SND1: variants seen among roughly 807,000 people sequenced by gnomAD.
The protein encoded by SND1 is staphylococcal nuclease and tudor domain containing 1.
A neutral mutation model predicts 121.7 loss-of-function variants in SND1; 38 were observed. The observed-to-expected ratio is 0.31, with a 90% CI of 0.24 to 0.41. SND1 has a LOEUF of 0.41. Ranked by LOEUF, SND1 falls within the 10% of genes least tolerant of loss-of-function variation. SND1 has a pLI of 1.00. For synonymous variants in SND1, 401 were observed against 447.4 expected (o/e 0.90, Z 1.31); for missense variants, 868 against 1,184.6 (o/e 0.73, Z 3.92).
intron 1 of SND1, among the ~76,000 whole-genome samples, chr7:127,661,691 T>A (rs1230152348): frequency 2.6e-5 from 4 of 152,208 alleles, no homozygotes; most frequent in African/African-American, 9.6e-5. Flanking sequence ...GTCAACAGTT[T>A]TCCAGTTTAT....
chr7:127,909,259 C>T (rs1449466577), intron 14 of SND1, among the ~76,000 whole-genome samples: 1 of 152,090 alleles, frequency 6.6e-6, no homozygotes, highest in African/African-American at 2.4e-5. Context: ...GTCCTGACAG[C>T]TCCTCTGTTA....
intron 11 of SND1, among the ~76,000 whole-genome samples, chr7:127,834,093 T>C (rs1370099159): frequency 6.6e-6 from 1 of 152,212 alleles, no homozygotes; most frequent in African/African-American, 2.4e-5. Flanking sequence ...TATCTACTTA[T>C]CCAACAATGG....
chr7:127,946,254 T>C (rs889628807), intron 15 of SND1, among the ~76,000 whole-genome samples: 1 of 152,320 alleles, frequency 6.6e-6, no homozygotes, highest in African/African-American at 2.4e-5. Context: ...CATGTGATCA[T>C]AGAGCAAGAG....
chr7:127,828,333 T>G (rs940204577), intron 11 of SND1, among the ~76,000 whole-genome samples: 9 of 152,086 alleles, frequency 5.9e-5, no homozygotes, highest in African/African-American at 1.9e-4. Flanking sequence ...CTTCTGGTTG[T>G]TCTGATATAT....
chr7:127,744,850 A>C (rs1297089814), intron 10 of SND1, among the ~76,000 whole-genome samples: 1 of 152,190 alleles, frequency 6.6e-6, no homozygotes, highest in Non-Finnish European at 1.5e-5. Flanking sequence ...AACTCCCCTG[A>C]ATGTTTAGAT....
intron 15 of SND1, among the ~76,000 whole-genome samples, chr7:127,977,613 A>G (rs983481365): frequency 6.6e-6 from 1 of 152,206 alleles, no homozygotes; most frequent in African/African-American, 2.4e-5. Context: ...ATAGTATGGT[A>G]TAAAGAATAG....
At chr7:127,766,571 C>T (rs141501170) in intron 10 of SND1, among the ~76,000 whole-genome samples, 41,739 of 151,546 alleles carry the variant, frequency 0.28, 6,956 homozygotes, top group East Asian at 0.5. Flanking sequence ...GTCAGGAGAT[C>T]AAGACCATCC....
At chr7:127,702,669 C>A in intron 6 of SND1, 143 bp downstream of exon 6, 1 of 667,594 alleles carries the variant, frequency 1.5e-6, no homozygotes, top group South Asian at 1.7e-5. Flanking sequence ...TTAGTTTAAA[C>A]TTTGTAGTAC....
In SND1 at chr7:128,074,702, A is replaced by G. The variant is rs1446599613; in HGVS notation, c.1968+12A>G. On this transcript the variant is annotated intron_variant, in intron 17 of 23. Transcript: ENST00000354725. ...AGAAGAAAGAGAAGGTACATGTGGCAGCCCAGCTGTGCTCTCCCTGCCCTC... is the reference window on the plus strand; with the variant it reads ...AGAAGAAAGAGAAGGTACATGTGGCGGCCCAGCTGTGCTCTCCCTGCCCTC... 1.3e-6 allele frequency: 2 copies of G among 1,599,976 alleles called. No individual in the cohort carries two copies. The highest frequency in any genetic ancestry group is 1.7e-6 in the Non-Finnish European group (2 of 1,173,106).
At chr7:127,776,468 A>G (rs1038692577) in intron 10 of SND1, among the ~76,000 whole-genome samples, 1 of 152,224 alleles carries the variant, frequency 6.6e-6, no homozygotes, top group Non-Finnish European at 1.5e-5. Context: ...ATAAAAATGA[A>G]AAAGTTCTGC....
At chr7:127,743,738 C>T (rs1796926634) in intron 10 of SND1, among the ~76,000 whole-genome samples, 1 of 152,062 alleles carries the variant, frequency 6.6e-6, no homozygotes, top group Admixed American at 6.6e-5. Context: ...TGTATGTATG[C>T]GTGTGTTATA....
chr7:127,778,771 A>G (rs758312989), intron 10 of SND1, among the ~76,000 whole-genome samples: 1 of 152,142 alleles, frequency 6.6e-6, no homozygotes, highest in Non-Finnish European at 1.5e-5. Flanking sequence ...TTTAGTGGTT[A>G]TTAGTGTCAC....
intron 15 of SND1, among the ~76,000 whole-genome samples, chr7:127,933,455 C>G (rs1390171390): frequency 6.6e-6 from 1 of 152,148 alleles, no homozygotes; most frequent in African/African-American, 2.4e-5. Flanking sequence ...AGAAACCTGG[C>G]AAGAATACAG....
At chr7:128,054,080 G>A (rs1793095128) in intron 16 of SND1, among the ~76,000 whole-genome samples, 1 of 152,250 alleles carries the variant, frequency 6.6e-6, no homozygotes, top group Non-Finnish European at 1.5e-5. Context: ...TAAGTCATCG[G>A]CAGTACCCTG....
At chr7:127,947,923 C>G (rs1584687767) in intron 15 of SND1, among the ~76,000 whole-genome samples, 1 of 152,118 alleles carries the variant, frequency 6.6e-6, no homozygotes, top group East Asian at 1.9e-4. Context: ...ATAATGACCC[C>G]ACCATTCTTA....
intron 15 of SND1, among the ~76,000 whole-genome samples, chr7:127,973,799 A>C (rs538518683): frequency 6.6e-6 from 1 of 152,350 alleles, no homozygotes; most frequent in African/African-American, 2.4e-5. Flanking sequence ...AAAATTTAGC[A>C]GAGCTGACCT....
At chr7:127,987,730 T>C (rs1802427283) in intron 15 of SND1, among the ~76,000 whole-genome samples, 1 of 146,514 alleles carries the variant, frequency 6.8e-6, no homozygotes, top group Admixed American at 6.8e-5. Flanking sequence ...CCACTAGAGG[T>C]TTTAAATCAA....
chr7:128,059,090 G>A (rs899899706), intron 16 of SND1, among the ~76,000 whole-genome samples: 1 of 152,108 alleles, frequency 6.6e-6, no homozygotes, highest in African/African-American at 2.4e-5. Context: ...CTTCTACCCT[G>A]CCACTTATGC....
At chr7:127,906,181 G>A (rs557833717) in intron 14 of SND1, among the ~76,000 whole-genome samples, 17 of 152,282 alleles carry the variant, frequency 1.1e-4, no homozygotes, top group African/African-American at 4.1e-4. Context: ...ACAGGTTGGG[G>A]CCTCTGTTAA....
Sources: gnomAD v4.1 joint callset for allele counts (sites outside exome capture counted in the v4.1 genomes callset) on GRCh38, gnomAD v4.1.1 for gene constraint, MANE v1.5 for transcripts, NCBI Gene and HGNC (gene_info 2026-07-23, HGNC 2026-07-21) for gene names.